Variants in MIPOL1 observed in about 807,000 individuals in gnomAD.
MIPOL1 encodes the protein mirror-image polydactyly gene 1 protein.
Under a neutral mutation model 60.9 loss-of-function variants are expected in MIPOL1, and 57 were observed. The ratio of observed to expected loss-of-function variants is 0.94; its 90% CI spans 0.76 to 1.17. MIPOL1 has a LOEUF of 1.17. MIPOL1 is among the 50% of genes most tolerant of loss of function. The pLI is 0.00. For missense variants in MIPOL1, 551 were observed against 511.6 expected, an observed-to-expected ratio of 1.08 and a Z score of -0.74; for synonymous variants, 179 against 168.8, an observed-to-expected ratio of 1.06 and a Z score of -0.47.
At chr14:37,270,717 T>C (rs1025268317) in intron 6 of MIPOL1, among the ~76,000 whole-genome samples, 192 bp downstream of exon 6, 2 of 151,342 alleles carry the variant, frequency 1.3e-5, no homozygotes, top group Admixed American at 6.6e-5. Flanking sequence ...GTGAGAGCTT[T>C]ACCTGTATTC....
chr14:37,254,637 G>A (rs1349488949), intron 3 of MIPOL1, among the ~76,000 whole-genome samples: 3 of 151,636 alleles, frequency 2.0e-5, no homozygotes, highest in Non-Finnish European at 4.4e-5. Flanking sequence ...ATTCTTAGTA[G>A]GGGGAAAATT....
chr14:37,516,993 G>A (rs1203128619), intron 12 of MIPOL1, among the ~76,000 whole-genome samples: 1 of 152,058 alleles, frequency 6.6e-6, no homozygotes, highest in Non-Finnish European at 1.5e-5. Flanking sequence ...TATCTAGAAA[G>A]TTACACTAAC....
chr14:37,255,258 A>G lies in MIPOL1; in HGVS notation c.19+7351A>G, dbSNP rs555995765. On this transcript the variant is annotated intron_variant, in intron 3 of 12. Coordinates refer to ENST00000684589, the MANE Select transcript of MIPOL1 (RefSeq NM_001388067.1). ...GGCCTCCGTAGTATGATTAATATAA[A>G]GGTCTGAGTGTGCATTGGCATTTTG... Among the ~76,000 whole-genome samples, 463 of 151,892 alleles carry G rather than the reference A, an allele frequency of 3.0e-3. 3 individuals carry two copies. The highest frequency in any genetic ancestry group is 9.6e-3 in the African/African-American group (397 of 41,538).
chr14:37,474,577 A>G (rs1206877586), intron 11 of MIPOL1, among the ~76,000 whole-genome samples: 1 of 152,186 alleles, frequency 6.6e-6, no homozygotes, highest in East Asian at 1.9e-4. Flanking sequence ...CTCCCTAGCC[A>G]TGTGTAACTG....
intron 10 of MIPOL1, 97 bp downstream of exon 10, chr14:37,369,721 A>G: frequency 1.2e-6 from 1 of 828,454 alleles, no homozygotes; most frequent in Non-Finnish European, 1.9e-6. Context: ...TTTCAGCAGA[A>G]GTGAGCTGTG....
At chr14:37,205,544 T>C (rs1193776639) in intron 1 of MIPOL1, among the ~76,000 whole-genome samples, 1 of 152,094 alleles carries the variant, frequency 6.6e-6, no homozygotes, top group Admixed American at 6.6e-5. Flanking sequence ...GGTATATACA[T>C]GTGCCATGTT....
Position 37,318,299 on chromosome 14 carries a change from A to T in MIPOL1, c.828+9780A>T, listed in dbSNP as rs144066903. Among the ~76,000 whole-genome samples, 241 of 152,318 alleles carry T rather than the reference A, an allele frequency of 1.6e-3. 1 individual carries two copies. The highest frequency in any genetic ancestry group is 3.4e-3 in the Middle Eastern group (1 of 294). ...TAGCATAGTGTCTAGCATGTAATAG[A>T]TACAAAATAATGATGTTTAAAATAT... On this transcript the variant is annotated intron_variant, in intron 9 of 12. Transcript: ENST00000684589.
chr14:37,309,398 CTTGTT>C (rs2087099213), intron 9 of MIPOL1, among the ~76,000 whole-genome samples: 1 of 152,224 alleles, frequency 6.6e-6, no homozygotes, highest in East Asian at 1.9e-4. Context: ...TGTCACTTCT[CTTGTT>C]TTGTTAAAAT....
At chr14:37,286,895 A>G (rs2084614741) in intron 7 of MIPOL1, among the ~76,000 whole-genome samples, 1 of 152,208 alleles carries the variant, frequency 6.6e-6, no homozygotes, top group South Asian at 2.1e-4. Flanking sequence ...ATCATTACCT[A>G]GAAGGATAGA....
At chr14:37,205,068 T>C (rs1965869036) in intron 1 of MIPOL1, among the ~76,000 whole-genome samples, 1 of 151,926 alleles carries the variant, frequency 6.6e-6, no homozygotes, top group Non-Finnish European at 1.5e-5. Flanking sequence ...ACTTTGAACT[T>C]GAGAGAGATG....
intron 1 of MIPOL1, among the ~76,000 whole-genome samples, chr14:37,216,929 T>G (rs960719934): frequency 6.6e-6 from 1 of 151,854 alleles, no homozygotes; most frequent in African/African-American, 2.4e-5. Context: ...AGAATAAAGA[T>G]CTGAATAGAA....
intron 9 of MIPOL1, among the ~76,000 whole-genome samples, chr14:37,338,160 G>C (rs1446135430): frequency 7.0e-6 from 1 of 143,462 alleles, no homozygotes; most frequent in East Asian, 2.0e-4. Context: ...AGGCTGGAGT[G>C]CAGTGGCGTG....
chr14:37,412,574 ATT>A (rs1170321952), intron 10 of MIPOL1, among the ~76,000 whole-genome samples: 3 of 152,128 alleles, frequency 2.0e-5, no homozygotes, highest in African/African-American at 7.2e-5. Flanking sequence ...TATATATTAT[ATT>A]ATTGTATTGA....
chr14:37,487,590 A>T (rs374371710), intron 11 of MIPOL1, among the ~76,000 whole-genome samples: 1 of 152,214 alleles, frequency 6.6e-6, no homozygotes, highest in African/African-American at 2.4e-5. Context: ...GCAGAAATTT[A>T]TCCAATTCTT....
chr14:37,540,294 C>A (rs989097773), intron 12 of MIPOL1, among the ~76,000 whole-genome samples: 1 of 152,178 alleles, frequency 6.6e-6, no homozygotes, highest in African/African-American at 2.4e-5. Flanking sequence ...CAGTCTTTTT[C>A]AGATACGAAG....
chr14:37,309,779 C>G (rs1360168330), intron 9 of MIPOL1, among the ~76,000 whole-genome samples: 1 of 151,696 alleles, frequency 6.6e-6, no homozygotes, highest in Admixed American at 6.6e-5. Context: ...CTGTGCCTCC[C>G]AGGTTCAAGT....
chr14:37,276,495 G>GA (rs1331044151), intron 6 of MIPOL1: 3 of 150,722 alleles, frequency 2.0e-5, no homozygotes, highest in East Asian at 3.9e-4. Context: ...ATTAAAATGG[G>GA]AAAAAATTAT....
intron 9 of MIPOL1, among the ~76,000 whole-genome samples, chr14:37,316,468 A>C (rs1449318932): frequency 3.9e-5 from 6 of 151,902 alleles, no homozygotes; most frequent in Non-Finnish European, 7.4e-5. Flanking sequence ...GCAACGTTGG[A>C]GTGTTTGAGG....
At position 37,247,871 on chromosome 14, in the gene MIPOL1, A is replaced by C; in HGVS notation, c.-18A>C. The stretch of plus-strand genomic sequence containing the variant: ...AAAACCAGAGACATTGCCAGAGCAA[A>C]CAAGAACAGAAATACAAATGGAGAA... On this transcript the variant is annotated 5_prime_UTR_variant, in exon 3 of 13. Coordinates refer to ENST00000684589, the MANE Select transcript of MIPOL1 (RefSeq NM_001388067.1). 1 of 1,613,146 alleles carries C rather than the reference A, an allele frequency of 6.2e-7. No individual in the cohort carries two copies. The highest frequency in any genetic ancestry group is 1.7e-5 in the Admixed American group (1 of 59,946).
Sources: gnomAD v4.1 joint callset for allele counts (sites outside exome capture counted in the v4.1 genomes callset) on GRCh38, gnomAD v4.1.1 for gene constraint, MANE v1.5 for transcripts, NCBI Gene and HGNC (gene_info 2026-07-23, HGNC 2026-07-21) for gene names.